The following PRMT2 variants were observed in gnomAD, a reference collection of about 807,000 sequenced individuals.
PRMT2 encodes the protein protein arginine methyltransferase 2.
In PRMT2, 26 loss-of-function variants were observed where a neutral mutation model predicts 57.6. The observed-to-expected ratio is 0.45, with a 90% CI of 0.33 to 0.63. The LOEUF is 0.63. PRMT2 is among the 20% of genes least tolerant of loss of function. PRMT2 has a pLI of 0.02. For missense variants in PRMT2, 472 were observed against 564.4 expected (o/e 0.84, Z 1.66); for synonymous variants, 219 against 220.0 (o/e 1.00, Z 0.04).
intron 7 of PRMT2, chr21:46,657,384 A>C (rs996857449): frequency 4.0e-5 from 6 of 150,544 alleles, no homozygotes; most frequent in Non-Finnish European, 7.4e-5. Flanking sequence ...TGCAAAAAAA[A>C]AAAAAACAAA....
At chr21:46,637,724 C>T (rs1311467014) in intron 3 of PRMT2, among the ~76,000 whole-genome samples, 1 of 151,806 alleles carries the variant, frequency 6.6e-6, no homozygotes, top group Non-Finnish European at 1.5e-5. Flanking sequence ...ACATCAAGTA[C>T]ATTAAACAGT....
chr21:46,662,101 C>T (rs957828983), intron 10 of PRMT2, among the ~76,000 whole-genome samples, 165 bp downstream of exon 10: 1 of 150,926 alleles, frequency 6.6e-6, no homozygotes, highest in African/African-American at 2.4e-5. Flanking sequence ...CGCATGGGGG[C>T]ACGGGTGGTG....
rs1402337066 is a variant in PRMT2, at chr21:46,648,203, G to A, written c.328-255G>A. On this transcript the variant is annotated intron_variant, in intron 5 of 11. Transcript: ENST00000355680. This position sits in a 1 kb window ranked among gnomAD's most constrained non-coding sequence, Gnocchi z 4.8. ...GGACAATATCTCTTTGTCATACATGGTTGTGCACCTTTCTTGTTAAATTTG... is the reference window on the plus strand; with the variant it reads ...GGACAATATCTCTTTGTCATACATGATTGTGCACCTTTCTTGTTAAATTTG... The A allele has an allele frequency of 4.5e-6, 2 of 444,938 alleles. No homozygotes were observed. The highest frequency in any genetic ancestry group is 6.7e-5 in the Admixed American group (2 of 29,632). 27.6% of individuals were successfully genotyped at this position (444,938 alleles called of 1,614,324 possible). A position where few individuals can be genotyped will look rare whatever the true frequency, so the allele number is the denominator to read the frequency against.
intron 10 of PRMT2, among the ~76,000 whole-genome samples, chr21:46,662,902 T>TTA (rs1375868467): frequency 6.6e-6 from 1 of 152,210 alleles, no homozygotes; most frequent in Non-Finnish European, 1.5e-5. Context: ...ACACCACAGT[T>TTA]TAACAGCAGG....
In PRMT2 at chr21:46,649,072, C is replaced by G. The variant is rs952998963; in HGVS notation, c.489+453C>G. ...TGTGCTGAGCTGAGCCGAGCTGCAGCCTTGGAGACTCCTTACACAGTGGGT... is the reference window on the plus strand; with the variant it reads ...TGTGCTGAGCTGAGCCGAGCTGCAGGCTTGGAGACTCCTTACACAGTGGGT... On this transcript the variant is annotated intron_variant, in intron 6 of 11. Coordinates refer to ENST00000355680, the MANE Select transcript of PRMT2 (RefSeq NM_206962.4). This position sits in a 1 kb window ranked among gnomAD's most constrained non-coding sequence, Gnocchi z 4.8. 2.0e-5 allele frequency among the ~76,000 whole-genome samples: 3 copies of G among 152,092 alleles called. No homozygotes were observed. The highest frequency in any genetic ancestry group is 2.9e-5 in the Non-Finnish European group (2 of 68,024).
rs377133405 is a variant in PRMT2, at chr21:46,664,258, A to T, written c.1270-37A>T. On this transcript the variant is annotated intron_variant, in intron 11 of 11. Transcript: ENST00000355680. ...ATGTAGTATGTTAATCAAATGATTTATCATCTGATTGACCTGTTGTCATTT... is the reference window on the plus strand; with the variant it reads ...ATGTAGTATGTTAATCAAATGATTTTTCATCTGATTGACCTGTTGTCATTT... 8 of 1,498,388 alleles carry T rather than the reference A, an allele frequency of 5.3e-6. No homozygotes were observed. In the East Asian group the frequency reaches 9.0e-5, roughly 17 times the overall value. The allele number at this position is 1,498,388 out of a possible 1,614,324, so 92.8% of individuals were successfully genotyped here.
At chr21:46,660,759 G>A (rs2061607194) in intron 8 of PRMT2, 74 bp from the exon 9 acceptor site, 2 of 1,549,166 alleles carry the variant, frequency 1.3e-6, no homozygotes, top group African/African-American at 1.4e-5. Flanking sequence ...CACTCACCGC[G>A]GTCCCACGTG....
chr21:46,660,256 G>C (rs950013136), intron 8 of PRMT2: 5 of 720,150 alleles, frequency 6.9e-6, no homozygotes, highest in Non-Finnish European at 8.5e-6. Context: ...TGACATGCAG[G>C]GGCCATGCGG....
chr21:46,661,282 G>T, intron 9 of PRMT2: 1 of 196,284 alleles, frequency 5.1e-6, no homozygotes, highest in Non-Finnish European at 1.0e-5. Context: ...TATGGTATTT[G>T]CATTACAGTT....
chr21:46,652,874 G>C (rs1349649524), intron 7 of PRMT2: 1 of 1,302,536 alleles, frequency 7.7e-7, no homozygotes, highest in African/African-American at 1.5e-5. Context: ...GTTCTCCTGA[G>C]GCCACGCCAC....
At chr21:46,636,858 A>T (rs2061180932) in intron 2 of PRMT2, 38 bp from the exon 3 acceptor site, 3 of 1,283,670 alleles carry the variant, frequency 2.3e-6, no homozygotes, top group South Asian at 2.7e-5. Context: ...TAAGCAATGT[A>T]ACAAGTACTT....
In PRMT2 at chr21:46,663,534, C is replaced by T. The variant is rs1416105097; in HGVS notation, c.1249C>T (p.Gln417Ter). 4 of 1,613,866 alleles carry T rather than the reference C, an allele frequency of 2.5e-6. No homozygotes were observed. The Admixed American group carries it at 5.0e-5, about 20-fold the overall frequency. Residue 417 changes from glutamine to a stop codon, truncating the protein, a stop_gained, in exon 11 of 12, where the codon CAA becomes TAA. Coordinates refer to ENST00000355680, the MANE Select transcript of PRMT2 (RefSeq NM_206962.4). LOFTEE classifies it high-confidence loss of function. Reference sequence around the variant, plus strand: ...TCTGAGCTGGGCTGTCACTTCCAGACAAGACCCCACATCTCAAAAAGTAAG... The same window carrying T: ...TCTGAGCTGGGCTGTCACTTCCAGATAAGACCCCACATCTCAAAAAGTAAG... ...VALSWAVTSR[Q>*]DPTSQKVGEK...
intron 7 of PRMT2, among the ~76,000 whole-genome samples, chr21:46,654,340 G>C (rs1454870076): frequency 6.6e-6 from 1 of 152,176 alleles, no homozygotes; most frequent in Non-Finnish European, 1.5e-5. Context: ...AAAAAGTACA[G>C]AGTATGTACA....
At chr21:46,639,418 T>C (rs1216746995) in intron 3 of PRMT2, among the ~76,000 whole-genome samples, 1 of 152,162 alleles carries the variant, frequency 6.6e-6, no homozygotes, top group East Asian at 1.9e-4. Flanking sequence ...TTTGCCATCT[T>C]CTATCAGTTA....
At chr21:46,663,318 C>T in intron 10 of PRMT2, 65 bp from the exon 11 acceptor site, 4 of 1,514,150 alleles carry the variant, frequency 2.6e-6, no homozygotes, top group Non-Finnish European at 3.6e-6. Flanking sequence ...TGAGTCAGCG[C>T]CCCGAGGGCC....
At chr21:46,636,681 C>T in intron 2 of PRMT2, 134 bp downstream of exon 2, 2 of 463,328 alleles carry the variant, frequency 4.3e-6, no homozygotes, top group Non-Finnish European at 7.7e-6. Flanking sequence ...TAACACCTTG[C>T]AGACTAGTGA....
intron 4 of PRMT2, 24 bp downstream of exon 4, chr21:46,643,663 C>A: frequency 1.3e-6 from 2 of 1,574,546 alleles, no homozygotes; most frequent in South Asian, 2.4e-5. Context: ...GTGGTTAATG[C>A]TTTATGGCTT....
chr21:46,656,101 C>T (rs1439001517), intron 7 of PRMT2, among the ~76,000 whole-genome samples: 1 of 152,074 alleles, frequency 6.6e-6, no homozygotes. Context: ...GAATGCCCTT[C>T]CTCGTGGGTA....
chr21:46,645,885 T>G (rs1330942827), intron 5 of PRMT2, among the ~76,000 whole-genome samples: 1 of 152,016 alleles, frequency 6.6e-6, no homozygotes, highest in Admixed American at 6.6e-5. Flanking sequence ...CCTGGCTAAT[T>G]TTTGTATTTT....
Sources: allele counts gnomAD v4.1 joint callset (sites outside exome capture counted in the v4.1 genomes callset), GRCh38; gene constraint gnomAD v4.1.1; non-coding constraint Gnocchi (gnomAD v3.1); transcripts MANE v1.5; gene names NCBI Gene and HGNC (gene_info 2026-07-23, HGNC 2026-07-21).